Variants in LATS1 observed in about 807,000 individuals in gnomAD.
LATS1 encodes large tumor suppressor kinase 1, also known as serine/threonine-protein kinase LATS1.
Under a neutral mutation model 106.6 loss-of-function variants are expected in LATS1, and 25 were observed. The observed-to-expected ratio is 0.23, with a 90% CI of 0.17 to 0.33. The LOEUF is 0.33. Among genes scored for constraint, LATS1 ranks in the 10% least tolerant of loss-of-function variants. LATS1 has a pLI of 1.00. For missense variants in LATS1, 1,040 were observed against 1,382.6 expected (o/e 0.75, Z 3.93); for synonymous variants, 465 against 455.6 (o/e 1.02, Z -0.26).
At chr6:149,662,504 A>T (rs183435312) in intron 7 of LATS1, among the ~76,000 whole-genome samples, 1 of 152,162 alleles carries the variant, frequency 6.6e-6, no homozygotes, top group African/African-American at 2.4e-5. Context: ...CCTCCCCTGT[A>T]CCATATATTT....
chr6:149,673,805 G>T (rs1344493011), intron 7 of LATS1, among the ~76,000 whole-genome samples: 1 of 150,446 alleles, frequency 6.6e-6, no homozygotes, highest in Non-Finnish European at 1.5e-5. Context: ...CCTCCATATA[G>T]CTGGGACTAC....
intron 2 of LATS1, among the ~76,000 whole-genome samples, chr6:149,698,479 C>G (rs933776778): frequency 6.6e-6 from 1 of 151,760 alleles, no homozygotes; most frequent in Non-Finnish European, 1.5e-5. Context: ...CTCCTGGCCT[C>G]AAGCAATCCT....
chr6:149,693,277 GAA>G (rs112251580), intron 3 of LATS1, among the ~76,000 whole-genome samples: 2 of 89,390 alleles, frequency 2.2e-5, no homozygotes, highest in Non-Finnish European at 2.4e-5. Flanking sequence ...GTCTCAAAGA[GAA>G]AAAAAAAAAA....
chr6:149,669,278 C>T (rs796929674), intron 7 of LATS1, among the ~76,000 whole-genome samples: 8 of 152,022 alleles, frequency 5.3e-5, no homozygotes, highest in African/African-American at 1.5e-4. Flanking sequence ...GCACTACAGG[C>T]ACCTGCCACC....
chr6:149,699,673 G>A (rs149658925), intron 2 of LATS1, among the ~76,000 whole-genome samples: 44 of 152,054 alleles, frequency 2.9e-4, no homozygotes, highest in African/African-American at 8.9e-4. Context: ...ACCAATTATT[G>A]TTATTATTAC....
intron 2 of LATS1, among the ~76,000 whole-genome samples, chr6:149,699,861 C>G (rs980418073): frequency 6.6e-6 from 1 of 152,176 alleles, no homozygotes; most frequent in African/African-American, 2.4e-5. Context: ...TGACATAACA[C>G]ATTACCACTT....
At chr6:149,703,059 C>T (rs1257975686) in intron 1 of LATS1, among the ~76,000 whole-genome samples, 1 of 151,094 alleles carries the variant, frequency 6.6e-6, no homozygotes, top group Admixed American at 6.6e-5. Flanking sequence ...CTGCAACCTC[C>T]GCCTCTCAGG....
chr6:149,665,691 A>T (rs1332344952), intron 7 of LATS1, among the ~76,000 whole-genome samples: 1 of 152,158 alleles, frequency 6.6e-6, no homozygotes, highest in Admixed American at 6.5e-5. Flanking sequence ...TTGAGAACTG[A>T]ACTAAGGAAA....
chr6:149,706,178 G>A (rs1430894548), intron 1 of LATS1, among the ~76,000 whole-genome samples: 6 of 80,288 alleles, frequency 7.5e-5, no homozygotes, highest in South Asian at 5.1e-4. Context: ...AGCGAAACCC[G>A]GTCGCAAAAA....
intron 5 of LATS1, among the ~76,000 whole-genome samples, chr6:149,677,846 C>A (rs1781804948): frequency 1.3e-5 from 2 of 151,884 alleles, no homozygotes; most frequent in African/African-American, 4.8e-5. Context: ...ATGGTGAAAC[C>A]CCATCTCTAC....
intron 7 of LATS1, among the ~76,000 whole-genome samples, chr6:149,667,763 G>C (rs752783569): frequency 2.0e-5 from 3 of 152,014 alleles, no homozygotes; most frequent in African/African-American, 7.2e-5. Context: ...TCATAATTAC[G>C]ATACAGAAAA....
Position 149,683,536 on chromosome 6 carries a change from G to T in LATS1, c.1553C>A (p.Ser518Tyr), listed in dbSNP as rs1782176220. 6.2e-7 allele frequency: 1 copy of T among 1,614,124 alleles called. No homozygotes were observed. The highest frequency in any genetic ancestry group is 1.7e-5 in the Admixed American group (1 of 60,012). The part of the protein sequence containing the change: ...LQTALAPTHP[S>Y]WIPQPIQTVQ... ...AGTTTGAATTGGCTGTGGTATCCAAGAAGGGTGTGTAGGTGCTAAAGCAGT... is the reference window on the plus strand; with the variant it reads ...AGTTTGAATTGGCTGTGGTATCCAATAAGGGTGTGTAGGTGCTAAAGCAGT... Residue 518 changes from serine to tyrosine, a missense_variant, in exon 4 of 8, where the codon TCT (serine) becomes TAT (tyrosine). Ser to Tyr is a moderately radical substitution (Grantham distance 144). Transcript: ENST00000543571.
chr6:149,661,657 C>T lies in LATS1; in HGVS notation c.*72G>A. On this transcript the variant is annotated 3_prime_UTR_variant, in exon 8 of 8. Coordinates refer to ENST00000543571, the MANE Select transcript of LATS1 (RefSeq NM_004690.4). ...GCTCTGTCATATTTGCATAATTTTA[C>T]TCTCAGAACCTCAAAACACCTCGCA... 1 of 1,323,254 alleles carries T rather than the reference C, an allele frequency of 7.6e-7. No homozygotes were observed. The highest frequency in any genetic ancestry group is 1.0e-6 in the Non-Finnish European group (1 of 971,878). 82.0% of individuals were successfully genotyped at this position (1,323,254 alleles called of 1,614,324 possible).
chr6:149,674,012 A>G (rs1781576995), intron 7 of LATS1, among the ~76,000 whole-genome samples: 1 of 151,378 alleles, frequency 6.6e-6, no homozygotes, highest in Admixed American at 6.6e-5. Context: ...CAATGACTGA[A>G]GAAGTTATAG....
At chr6:149,682,414 T>C (rs1019478644) in intron 4 of LATS1, among the ~76,000 whole-genome samples, 2 of 151,204 alleles carry the variant, frequency 1.3e-5, no homozygotes, top group African/African-American at 2.4e-5. Context: ...ATTTCTTTTT[T>C]CTTTTTTTTT....
chr6:149,712,290 C>T (rs1023616436), intron 1 of LATS1, among the ~76,000 whole-genome samples: 2 of 152,216 alleles, frequency 1.3e-5, no homozygotes, highest in African/African-American at 2.4e-5. Flanking sequence ...CTCCACCTCC[C>T]GGGTTCAAGC....
At position 149,684,122 on chromosome 6, in the gene LATS1, C is replaced by T. The variant is rs1213954794; in HGVS notation, c.967G>A (p.Val323Ile). 3 of 1,614,202 alleles carry T rather than the reference C, an allele frequency of 1.9e-6. No individual in the cohort carries two copies. The highest frequency in any genetic ancestry group is 2.5e-6 in the Non-Finnish European group (3 of 1,180,018). ...PNQGQRGISSVPVGRQPIIMQ... is the reference protein window; with the variant it reads ...PNQGQRGISSIPVGRQPIIMQ... ...ATGATTGGTTGTCTGCCAACAGGAA[C>T]AGAACTAATGCCTCTCTGTCCTTGA... Residue 323 changes from valine to isoleucine, a missense_variant, in exon 4 of 8, where the codon GTT (valine) becomes ATT (isoleucine). Around this residue, in one of 7 missense-constraint regions of LATS1, gnomAD observed 624 missense variants for 714.8 expected, o/e 0.87. Transcript: ENST00000543571.
At chr6:149,666,406 A>T (rs1225919686) in intron 7 of LATS1, among the ~76,000 whole-genome samples, 2 of 151,606 alleles carry the variant, frequency 1.3e-5, no homozygotes, top group African/African-American at 2.4e-5. Context: ...TCACAAGGTC[A>T]GGAGTTCGAG....
intron 1 of LATS1, among the ~76,000 whole-genome samples, chr6:149,704,279 AG>A (rs994369780): frequency 6.6e-6 from 1 of 152,210 alleles, no homozygotes; most frequent in Admixed American, 6.5e-5. Context: ...CTGGGATTAC[AG>A]GCGTGAGCCA....
Sources: allele counts gnomAD v4.1 joint callset (sites outside exome capture counted in the v4.1 genomes callset), GRCh38; gene constraint gnomAD v4.1.1; regional missense constraint gnomAD v4.1.1; transcripts MANE v1.5; gene names NCBI Gene and HGNC (gene_info 2026-07-23, HGNC 2026-07-21).